The following SNX7 variants were observed in gnomAD, a reference collection of about 807,000 sequenced individuals.
SNX7 encodes sorting nexin 7, also known as sorting nexin-7.
Under a neutral mutation model 48.4 loss-of-function variants are expected in SNX7, and 35 were observed. The observed-to-expected ratio is 0.72, with a 90% CI of 0.55 to 0.96. SNX7 has a LOEUF of 0.96. Among genes scored for constraint, SNX7 ranks in the 40% least tolerant of loss-of-function variants. The pLI is 0.00. For missense variants in SNX7, 553 were observed against 548.9 expected, an observed-to-expected ratio of 1.01 and a Z score of -0.07; for synonymous variants, 190 against 190.2, an observed-to-expected ratio of 1.00 and a Z score of 0.01.
chr1:98,665,628 A>T (rs980704830), intron 1 of SNX7, among the ~76,000 whole-genome samples: 39 of 152,144 alleles, frequency 2.6e-4, no homozygotes, highest in African/African-American at 8.4e-4. Context: ...TGCTCTTATT[A>T]TCTAGGTTGG....
intron 8 of SNX7, among the ~76,000 whole-genome samples, chr1:98,754,244 G>T (rs1422556099): frequency 6.6e-6 from 1 of 152,018 alleles, no homozygotes; most frequent in African/African-American, 2.4e-5. Context: ...ATTCTTTATA[G>T]AAATTACTGC....
chr1:98,726,636 A>C (rs1352662984), intron 7 of SNX7, among the ~76,000 whole-genome samples: 1 of 148,992 alleles, frequency 6.7e-6, no homozygotes, highest in Non-Finnish European at 1.5e-5. Flanking sequence ...TTGAATATGG[A>C]GATATATTTC....
chr1:98,752,939 A>G lies in SNX7; in HGVS notation c.1279-7115A>G, dbSNP rs1654658507. Among the ~76,000 whole-genome samples, 4 of 151,994 alleles carry G rather than the reference A, an allele frequency of 2.6e-5. No individual in the cohort carries two copies. In the South Asian group the frequency reaches 8.3e-4, roughly 31 times the overall value. ...CTACTATGTGAAAGAAAGGCATCTC[A>G]TTCTCTTGGCCCAGTGACTTATTAA... is the stretch of plus-strand genomic sequence containing the variant. On this transcript the variant is annotated intron_variant, in intron 8 of 8. Coordinates refer to ENST00000306121, the MANE Select transcript of SNX7 (RefSeq NM_015976.5).
intron 7 of SNX7, among the ~76,000 whole-genome samples, chr1:98,711,891 A>G (rs9725740): frequency 0.019 from 2,912 of 152,318 alleles, 100 homozygotes; most frequent in African/African-American, 0.067. Context: ...TGCTGTATCA[A>G]CTAAGTTTTC....
At chr1:98,662,043 C>A (rs913645832) in intron 1 of SNX7, 132 bp downstream of exon 1, 8 of 1,008,772 alleles carry the variant, frequency 7.9e-6, no homozygotes, top group Non-Finnish European at 1.0e-5. Context: ...CGAGTGAGGT[C>A]CCCCGGGCTG....
At chr1:98,755,356 T>C (rs771374231) in intron 8 of SNX7, among the ~76,000 whole-genome samples, 56 of 152,136 alleles carry the variant, frequency 3.7e-4, no homozygotes, top group Non-Finnish European at 7.1e-4. Flanking sequence ...TGATTTTCTG[T>C]CCACACATTC....
intron 8 of SNX7, among the ~76,000 whole-genome samples, chr1:98,740,622 G>A (rs546327893): frequency 6.6e-5 from 10 of 151,982 alleles, no homozygotes; most frequent in East Asian, 5.8e-4. Context: ...GGTTTTTACC[G>A]TACTTCTCAC....
chr1:98,708,454 A>T (rs979621304), intron 7 of SNX7, among the ~76,000 whole-genome samples: 4 of 152,146 alleles, frequency 2.6e-5, no homozygotes, highest in Non-Finnish European at 5.9e-5. Flanking sequence ...TACAATACAC[A>T]CCCAGTTACA....
intron 4 of SNX7, 72 bp from the exon 5 acceptor site, chr1:98,695,446 G>A: frequency 7.2e-7 from 1 of 1,397,058 alleles, no homozygotes; most frequent in Non-Finnish European, 1.0e-6. Context: ...CTCCTAATTA[G>A]GTTTATTTTT....
intron 4 of SNX7, 119 bp downstream of exon 4, chr1:98,691,818 A>G: frequency 1.3e-6 from 1 of 774,624 alleles, no homozygotes; most frequent in South Asian, 2.9e-5. Flanking sequence ...TTGAGATGGA[A>G]TTTTTCAGAA....
Position 98,725,627 on chromosome 1 carries a change from A to G in SNX7, c.1126-12610A>G, listed in dbSNP as rs1438467311. Among the ~76,000 whole-genome samples the G allele has an allele frequency of 1.3e-5, 2 of 152,180 alleles. 1 individual carries two copies. The highest frequency in any genetic ancestry group is 1.3e-4 in the Admixed American group (2 of 15,270). On this transcript the variant is annotated intron_variant, in intron 7 of 8. Transcript: ENST00000306121. ...TGGCTTTTATTCTTCTTAGATTGCT[A>G]GACAGCTTTTTTTAGTTACCAGGAA...
chr1:98,720,083 C>T (rs1004631839), intron 7 of SNX7, among the ~76,000 whole-genome samples: 4 of 151,752 alleles, frequency 2.6e-5, no homozygotes, highest in Non-Finnish European at 5.9e-5. Flanking sequence ...TCTATATGTT[C>T]TCTTGGTCTG....
intron 8 of SNX7, among the ~76,000 whole-genome samples, chr1:98,741,777 A>C (rs1174490610): frequency 1.3e-5 from 2 of 152,152 alleles, no homozygotes; most frequent in African/African-American, 4.8e-5. Context: ...GGTGCAAAAG[A>C]ATATCTGCTT....
intron 8 of SNX7, among the ~76,000 whole-genome samples, chr1:98,756,862 C>T (rs758908398): frequency 4.6e-5 from 7 of 152,024 alleles, no homozygotes; most frequent in South Asian, 2.1e-4. Context: ...TTTAGATATT[C>T]GTCCCCACCC....
At chr1:98,668,058 C>T (rs1042152292) in intron 1 of SNX7, among the ~76,000 whole-genome samples, 2 of 152,036 alleles carry the variant, frequency 1.3e-5, no homozygotes, top group Non-Finnish European at 2.9e-5. Context: ...TTTTATATTT[C>T]TCCTTGGGGA....
intron 8 of SNX7, among the ~76,000 whole-genome samples, chr1:98,747,319 A>C (rs1323686716): frequency 6.6e-6 from 1 of 152,176 alleles, no homozygotes; most frequent in Admixed American, 6.6e-5. Context: ...ACTGATATTC[A>C]TTCCATAAGT....
chr1:98,689,531 T>G (rs2100949385), intron 2 of SNX7, among the ~76,000 whole-genome samples: 1 of 152,316 alleles, frequency 6.6e-6, no homozygotes, highest in East Asian at 1.9e-4. Context: ...TTATACTAGA[T>G]TGTTTTATGC....
chr1:98,699,614 G>T (rs1238209768), intron 6 of SNX7, among the ~76,000 whole-genome samples: 1 of 152,124 alleles, frequency 6.6e-6, no homozygotes, highest in Non-Finnish European at 1.5e-5. Context: ...TTCAGATACA[G>T]CTCCTTTTTT....
intron 8 of SNX7, among the ~76,000 whole-genome samples, chr1:98,754,568 A>G (rs995458465): frequency 6.6e-6 from 1 of 151,808 alleles, no homozygotes; most frequent in Non-Finnish European, 1.5e-5. Flanking sequence ...CTTTCAAGGA[A>G]TTGGTCCATT....
Sources: gnomAD v4.1 joint callset for allele counts (sites outside exome capture counted in the v4.1 genomes callset) on GRCh38, gnomAD v4.1.1 for gene constraint, MANE v1.5 for transcripts, NCBI Gene and HGNC (gene_info 2026-07-23, HGNC 2026-07-21) for gene names.